RALGDS: variants seen among roughly 807,000 people sequenced by gnomAD.
The protein encoded by RALGDS is ral guanine nucleotide exchange factor.
In RALGDS, 44 loss-of-function variants were observed where a neutral mutation model predicts 99.8. That is an observed-to-expected ratio of 0.44 (90% CI 0.35 to 0.57). RALGDS has a LOEUF of 0.57. Ranked by LOEUF, RALGDS falls within the 20% of genes least tolerant of loss-of-function variation. The probability of loss-of-function intolerance (pLI) is 0.01; values close to 1 mark genes in which losing one functional copy is unlikely to be tolerated. For missense variants in RALGDS, 1,022 were observed against 1,203.1 expected, an observed-to-expected ratio of 0.85 and a Z score of 2.23; for synonymous variants, 529 against 505.0, an observed-to-expected ratio of 1.05 and a Z score of -0.64.
chr9:133,127,569 G>C (rs1832199646), intron 1 of RALGDS, among the ~76,000 whole-genome samples: 1 of 152,244 alleles, frequency 6.6e-6, no homozygotes, highest in Non-Finnish European at 1.5e-5. Context: ...CTAGGTCCTG[G>C]GGTGGCCCTC....
At position 133,098,252 on chromosome 9, in the gene RALGDS, C is replaced by A; in HGVS notation, c.*335G>T. The A allele has an allele frequency of 2.3e-6, 1 of 435,872 alleles. No homozygotes were observed. Among genetic ancestry groups the A allele is most frequent in the Non-Finnish European group, 4.3e-6 (1 of 233,760 alleles). 27.0% of individuals were successfully genotyped at this position (435,872 alleles called of 1,614,324 possible). The stretch of plus-strand genomic sequence containing the variant: ...GCCCATGGGCACAGGTGGCAGTGAC[C>A]CACACCTGGGAAGGTGTCAGGGAAG... On this transcript the variant is annotated 3_prime_UTR_variant, in exon 18 of 18. Coordinates refer to ENST00000372050, the MANE Select transcript of RALGDS (RefSeq NM_006266.4).
At chr9:133,099,773 T>C (rs1295050221) in intron 17 of RALGDS, 2 of 186,114 alleles carry the variant, frequency 1.1e-5, no homozygotes, top group African/African-American at 4.7e-5. Flanking sequence ...GCCCAGCGTC[T>C]CCAGGCCCAG....
chr9:133,146,780 G>A (rs570544070), intron 1 of RALGDS, among the ~76,000 whole-genome samples: 1 of 152,326 alleles, frequency 6.6e-6, no homozygotes, highest in African/African-American at 2.4e-5. Flanking sequence ...TTCTGATGCC[G>A]TGAGCTGCCT....
intron 9 of RALGDS, among the ~76,000 whole-genome samples, chr9:133,105,249 C>G (rs375222371): frequency 6.6e-6 from 1 of 152,152 alleles, no homozygotes; most frequent in East Asian, 1.9e-4. Context: ...CCGGGTATGC[C>G]AGGGGCACCA....
chr9:133,109,405 G>C (rs1247540801), intron 4 of RALGDS, among the ~76,000 whole-genome samples: 1 of 152,116 alleles, frequency 6.6e-6, no homozygotes, highest in African/African-American at 2.4e-5. Flanking sequence ...TCCCGCCGGG[G>C]GCTGCCCCGA....
rs771409216 is a variant in RALGDS, at chr9:133,109,686, C to T, written c.524G>A (p.Arg175Lys). The T allele has an allele frequency of 6.8e-6, 11 of 1,613,878 alleles. No homozygotes were observed. Among genetic ancestry groups the T allele is most frequent in the Non-Finnish European group, 9.3e-6 (11 of 1,179,994 alleles). Residue 175 changes from arginine to lysine, a missense_variant, in exon 4 of 18, where the codon AGA becomes AAA. Around this residue, in one of 3 missense-constraint regions of RALGDS, gnomAD observed 825 missense variants for 994.5 expected, o/e 0.83. Transcript: ENST00000372050. ...GGAATAGGGGAGGATGCAGCCGTAT[C>T]TAGAGGAGGCCGTGAGGGCGTCACA... is the stretch of plus-strand genomic sequence containing the variant. ...GRCDALTASSRYGCILPYSDE... is the reference protein window; with the variant it reads ...GRCDALTASSKYGCILPYSDE...
chr9:133,102,209 C>T, intron 14 of RALGDS, 70 bp from the exon 15 acceptor site: 1 of 1,489,020 alleles, frequency 6.7e-7, no homozygotes, highest in Admixed American at 2.0e-5. Context: ...CCCCTGCACC[C>T]TGCGCCCAAG....
chr9:133,099,836 A>C (rs73558425), intron 17 of RALGDS: 3,769 of 222,982 alleles, frequency 0.017, 153 homozygotes, highest in African/African-American at 0.08. Flanking sequence ...AGTTTCTAGA[A>C]TACTGAGTTG....
chr9:133,129,534 G>T, intron 1 of RALGDS: 1 of 1,058,556 alleles, frequency 9.4e-7, no homozygotes, highest in Non-Finnish European at 1.2e-6. Context: ...GCTGCCCCAA[G>T]CTAGCCTAGC....
At position 133,107,989 on chromosome 9, in the gene RALGDS, G is replaced by A. The variant is rs774408770; in HGVS notation, c.1196C>T (p.Ala399Val). ...LVAEQFTLMD[A>V]ELFKKVVPYH... is the part of the protein sequence containing the mutation. ...GCCCTGCCAAGCTGAGCTGCTCACC[G>A]CATCCATCAGTGTAAACTGCTCTGC... Residue 399 changes from alanine (A) to valine (V), a missense_variant and splice_region_variant, in exon 6 of 18, where the codon GCG (alanine) becomes GTG (valine). Around this residue, in one of 3 missense-constraint regions of RALGDS, gnomAD observed 825 missense variants for 994.5 expected, o/e 0.83. Coordinates refer to ENST00000372050, the MANE Select transcript of RALGDS (RefSeq NM_006266.4). The A allele has an allele frequency of 1.8e-5, 29 of 1,612,950 alleles. No individual in the cohort carries two copies. The highest frequency in any genetic ancestry group is 2.3e-5 in the Non-Finnish European group (27 of 1,180,038).
In RALGDS at chr9:133,108,074, C is replaced by T. The variant is rs780261376; in HGVS notation, c.1111G>A (p.Ala371Thr). The T allele has an allele frequency of 1.9e-6, 3 of 1,613,694 alleles. No individual in the cohort carries two copies. The highest frequency in any genetic ancestry group is 1.1e-5 in the South Asian group (1 of 91,088). ...TTCTCCTCACTCAGCCCGTTCTCTG[C>T]AACCACAGGTGAAGGCCAGGAAGGC... The part of the protein sequence containing the change: ...LQPSWPSPVV[A>T]ENGLSEEKPH... Residue 371 changes from alanine (A) to threonine (T), a missense_variant, in exon 6 of 18, where the codon GCA becomes ACA. Physicochemically the swap from Ala to Thr is moderately conservative, Grantham distance 58. Transcript: ENST00000372050.
chr9:133,102,104 C>A lies in RALGDS; in HGVS notation c.2045G>T (p.Gly682Val), dbSNP rs1282596559. The change falls in exon 15 of 18, where the codon GGC (glycine) becomes GTC (valine). Residue 682 changes from glycine to valine, a missense_variant. Physicochemically the swap from Gly to Val is moderately radical, Grantham distance 109 (BLOSUM62 -3). Around this residue, in one of 3 missense-constraint regions of RALGDS, gnomAD observed 825 missense variants for 994.5 expected, o/e 0.83. Coordinates refer to ENST00000372050, the MANE Select transcript of RALGDS (RefSeq NM_006266.4). ...GTCACAGGACTTGGAGTGGGAGCTG[C>A]CACTGGTACTGAGCTCAGTGCTGGG... ...QAPSTELSTS[G>V]SSHSKSCDQL... 6.3e-7 allele frequency: 1 copy of A among 1,575,024 alleles called. No homozygotes were observed. Among genetic ancestry groups the A allele is most frequent in the East Asian group, 2.3e-5 (1 of 43,060 alleles).
intron 1 of RALGDS, among the ~76,000 whole-genome samples, chr9:133,140,735 G>C (rs1162375833): frequency 6.6e-6 from 1 of 152,186 alleles, no homozygotes; most frequent in East Asian, 1.9e-4. Flanking sequence ...CTGTGTGCCT[G>C]AATCTTCCCT....
intron 1 of RALGDS, chr9:133,130,910 C>A: frequency 6.7e-7 from 1 of 1,501,380 alleles, no homozygotes; most frequent in Non-Finnish European, 9.0e-7. Flanking sequence ...CCAGAGATGC[C>A]AGGGCGAAGT....
At chr9:133,131,243 C>G, upstream of RALGDS, 8 of 604,306 alleles carry the variant, frequency 1.3e-5, no homozygotes, top group Non-Finnish European at 1.5e-5. Flanking sequence ...CTGCCACCCT[C>G]AGGGTGGAGA....
rs758298329 is a variant in RALGDS, at chr9:133,121,085, G to A, written c.70C>T (p.Arg24Trp). ...GCGTCCCACACGCTGCGGCTCCGCCGGGAGCCCGGAAACAGCGGCTCGGCG... is the reference window on the plus strand; with the variant it reads ...GCGTCCCACACGCTGCGGCTCCGCCAGGAGCCCGGAAACAGCGGCTCGGCG... Reference protein sequence around the residue: ...GGAEPLFPGSRRSRSVWDAVR... With the variant: ...GGAEPLFPGSWRSRSVWDAVR... Residue 24 changes from arginine to tryptophan, a missense_variant, in exon 1 of 18, where the codon CGG (arginine) becomes TGG (tryptophan). By Grantham distance (101) the Arg-to-Trp change is moderately radical (BLOSUM62 -3). Transcript: ENST00000372050. 6.1e-6 allele frequency: 9 copies of A among 1,479,410 alleles called. No individual in the cohort carries two copies. In the South Asian group the frequency reaches 8.9e-5, roughly 15 times the overall value. 91.6% of individuals were successfully genotyped at this position (1,479,410 alleles called of 1,614,324 possible). A position where few individuals can be genotyped will look rare whatever the true frequency, so the allele number is the denominator to read the frequency against.
At chr9:133,125,757 C>T (rs1043797472), upstream of RALGDS, among the ~76,000 whole-genome samples, 1 of 152,078 alleles carries the variant, frequency 6.6e-6, no homozygotes, top group Non-Finnish European at 1.5e-5. Flanking sequence ...AAAAAGGACA[C>T]AGCTTGAGAC....
At chr9:133,103,536 C>T (rs1830862356) in intron 11 of RALGDS, 4 of 690,960 alleles carry the variant, frequency 5.8e-6, no homozygotes, top group Non-Finnish European at 1.0e-5. Flanking sequence ...GCCTGGCTTC[C>T]CTCTGTGCTC....
chr9:133,132,764 C>T (rs1439321537), upstream of RALGDS, among the ~76,000 whole-genome samples: 1 of 152,152 alleles, frequency 6.6e-6, no homozygotes, highest in Non-Finnish European at 1.5e-5. Context: ...CTCAGCCTCC[C>T]GAGTAGCTGG....
Sources: allele counts gnomAD v4.1 joint callset (sites outside exome capture counted in the v4.1 genomes callset), GRCh38; gene constraint gnomAD v4.1.1; regional missense constraint gnomAD v4.1.1; transcripts MANE v1.5; gene names NCBI Gene and HGNC (gene_info 2026-07-23, HGNC 2026-07-21).